Variants in CGREF1 observed in about 807,000 individuals in gnomAD.
CGREF1 encodes the protein cell growth regulator with EF-hand domain 1, also known as cell growth regulator with EF hand domain protein 1.
In CGREF1, 16 loss-of-function variants were observed where a neutral mutation model predicts 17.4. The observed-to-expected ratio is 0.92, with a 90% confidence interval of 0.62 to 1.40. The LOEUF (loss-of-function observed/expected upper bound fraction) is 1.40, where lower values mean the gene tolerates loss of function less well. Ranked by LOEUF, CGREF1 falls within the 40% of genes most tolerant of loss-of-function variation. CGREF1 has a pLI of 0.00. For missense variants in CGREF1, 296 were observed against 376.4 expected, an observed-to-expected ratio of 0.79 and a Z score of 1.77; for synonymous variants, 142 against 154.6, an observed-to-expected ratio of 0.92 and a Z score of 0.61.
chr2:27,106,358 G>A (rs949580953), intron 1 of CGREF1, among the ~76,000 whole-genome samples: 3 of 152,210 alleles, frequency 2.0e-5, no homozygotes, highest in African/African-American at 7.2e-5. Flanking sequence ...AACTTGAGCT[G>A]CCTGTCAGTG....
At chr2:27,113,156 G>T (rs1671454160) in intron 1 of CGREF1, among the ~76,000 whole-genome samples, 1 of 152,122 alleles carries the variant, frequency 6.6e-6, no homozygotes, top group Non-Finnish European at 1.5e-5. Flanking sequence ...GAGTGCTGCT[G>T]GTTTGAAGAA....
intron 4 of CGREF1, 56 bp from the exon 5 acceptor site, chr2:27,102,277 G>A (rs1176180955): frequency 6.2e-7 from 1 of 1,611,946 alleles, no homozygotes. Context: ...GAGAAGGCAG[G>A]AGTCAATGGG....
chr2:27,100,380 G>T, downstream of CGREF1: 1 of 1,240,260 alleles, frequency 8.1e-7, no homozygotes, highest in Non-Finnish European at 1.1e-6. Context: ...CCCGCTGACT[G>T]CCCCAGAGCC....
At chr2:27,099,955 TCTTCCTCAGAGCCAG>T (rs1186587522), downstream of CGREF1, 1 of 1,154,936 alleles carries the variant, frequency 8.7e-7, no homozygotes, top group Non-Finnish European at 1.3e-6. Context: ...AGCAAATAAA[TCTTCCTCAGAGCCAG>T]CTTCTCCTCT....
chr2:27,100,922 T>C lies in CGREF1; in HGVS notation c.*352A>G. 1 of 1,100,408 alleles carries C rather than the reference T, an allele frequency of 9.1e-7. No individual in the cohort carries two copies. The highest frequency in any genetic ancestry group is 4.2e-4 in the Middle Eastern group (1 of 2,378). The allele number at this position is 1,100,408 out of a possible 1,614,324, so 68.2% of individuals were successfully genotyped here. A position where few individuals can be genotyped will look rare whatever the true frequency, so the allele number is the denominator to read the frequency against. On this transcript the variant is annotated 3_prime_UTR_variant, in exon 6 of 6. Transcript: ENST00000402394. ...ACTGAGCTTTCCTCACTGGGTCCTC[T>C]GCAGCCGGCCATGGCTAGCACCATG...
Position 27,100,975 on chromosome 2 carries a change from C to A in CGREF1, c.*299G>T. 8.4e-7 allele frequency: 1 copy of A among 1,196,322 alleles called. No homozygotes were observed. Among genetic ancestry groups the A allele is most frequent in the Non-Finnish European group, 1.0e-6 (1 of 963,566 alleles). The allele number at this position is 1,196,322 out of a possible 1,614,324, so 74.1% of individuals were successfully genotyped here. On this transcript the variant is annotated 3_prime_UTR_variant, in exon 6 of 6. Transcript: ENST00000402394. ...CTCTGCTGCCGGAGCACCGTGAGGCCCAGAAACACTGGGCAGGCGGCATCC... is the reference window on the plus strand; with the variant it reads ...CTCTGCTGCCGGAGCACCGTGAGGCACAGAAACACTGGGCAGGCGGCATCC...
At chr2:27,116,051 T>TA (rs202014883) in intron 1 of CGREF1, among the ~76,000 whole-genome samples, 4 of 149,610 alleles carry the variant, frequency 2.7e-5, no homozygotes, top group East Asian at 4.0e-4. Flanking sequence ...CCCCCATCTC[T>TA]AAAAAAAACA....
At chr2:27,108,885 C>T (rs1187541924) in intron 1 of CGREF1, among the ~76,000 whole-genome samples, 1 of 151,810 alleles carries the variant, frequency 6.6e-6, no homozygotes, top group Middle Eastern at 3.4e-3. Context: ...ATGATCATAG[C>T]AATTCTCCCA....
At position 27,104,155 on chromosome 2, in the gene CGREF1, T is replaced by C. The variant is rs181125911; in HGVS notation, c.80+132A>G. On this transcript the variant is annotated intron_variant, in intron 2 of 5. Transcript: ENST00000402394. ...TGACAGGCACAAGATGGGAGGCTGATGGCAGGGAGATACAGAGATCGGGGA... is the reference window on the plus strand; with the variant it reads ...TGACAGGCACAAGATGGGAGGCTGACGGCAGGGAGATACAGAGATCGGGGA... 178 of 882,290 alleles carry C rather than the reference T, an allele frequency of 2.0e-4. 3 individuals carry two copies. The East Asian group carries it at 4.2e-3, about 21-fold the overall frequency. 54.7% of individuals were successfully genotyped at this position (882,290 alleles called of 1,614,324 possible).
intron 1 of CGREF1, among the ~76,000 whole-genome samples, chr2:27,116,729 C>A (rs1671577580): frequency 6.7e-6 from 1 of 150,136 alleles, no homozygotes; most frequent in Non-Finnish European, 1.5e-5. Flanking sequence ...GCCACCATGA[C>A]CTGCTAATTT....
chr2:27,099,983 A>G (rs1299400073), downstream of CGREF1: 5 of 833,896 alleles, frequency 6.0e-6, no homozygotes, highest in Non-Finnish European at 3.8e-6. Context: ...TCTCCTCTCA[A>G]TGTCTGAACT....
rs1430983050 is a variant in CGREF1, at chr2:27,101,671, G to T, written c.560C>A (p.Pro187His). The T allele has an allele frequency of 5.0e-6, 8 of 1,614,234 alleles. No individual in the cohort carries two copies. Among genetic ancestry groups the T allele is most frequent in the Non-Finnish European group, 6.8e-6 (8 of 1,180,046 alleles). The change falls in exon 6 of 6, where the codon CCC (proline) becomes CAC (histidine). Residue 187 changes from proline (P) to histidine (H), a missense_variant. This residue lies in a region of CGREF1 where 247 missense variants were observed against 267.2 expected (regional missense o/e 0.92). Transcript: ENST00000402394. ...LRQETQEAPG[P>H]REEAKGQVEA... ...TACCTGGCCCTTTGCTTCTTCTCTG[G>T]GACCAGGGGCTTCCTGTGTTTCTTG...
At chr2:27,111,962 G>A (rs1454107095) in intron 1 of CGREF1, among the ~76,000 whole-genome samples, 1 of 152,246 alleles carries the variant, frequency 6.6e-6, no homozygotes, top group African/African-American at 2.4e-5. Flanking sequence ...GCCAGAGTGG[G>A]CGCCAAGGCC....
Position 27,116,923 on chromosome 2 carries a change from C to CTCTCTCTT in CGREF1, c.-12+1922_-12+1923insAAGAGAGA, listed in dbSNP as rs1259106800. Reference sequence around the variant, plus strand: ...TCTCTCTCTCTCTCTCTCTCTCTCTCTTTTTTTGAGACAGAGTCTCGCTCT... The same window carrying CTCTCTCTT: ...TCTCTCTCTCTCTCTCTCTCTCTCTCTCTCTCTTTTTTTTTGAGACAGAGTCTCGCTCT... On this transcript the variant is annotated intron_variant, in intron 1 of 5. Coordinates refer to ENST00000402394, the MANE Select transcript of CGREF1 (RefSeq NM_006569.6). 2.9e-3 allele frequency among the ~76,000 whole-genome samples: 155 copies of CTCTCTCTT among 52,972 alleles called. 1 individual carries two copies. The highest frequency in any genetic ancestry group is 5.2e-3 in the Admixed American group (19 of 3,676). The allele number at this position is 52,972 out of a possible 152,430, so 34.8% of individuals were successfully genotyped here.
chr2:27,117,856 C>T (rs889126263), intron 1 of CGREF1, among the ~76,000 whole-genome samples: 1 of 152,142 alleles, frequency 6.6e-6, no homozygotes, highest in Non-Finnish European at 1.5e-5. Context: ...TCTGGGACTA[C>T]AGGCGCCTGC....
At position 27,100,651 on chromosome 2, in the gene CGREF1, G is replaced by T; in HGVS notation, c.*623C>A. 1 of 1,060,564 alleles carries T rather than the reference G, an allele frequency of 9.4e-7. No homozygotes were observed. The highest frequency in any genetic ancestry group is 1.2e-6 in the Non-Finnish European group (1 of 815,944). The allele number at this position is 1,060,564 out of a possible 1,614,324, so 65.7% of individuals were successfully genotyped here. ...ATCACCTTAGGGTACAGCACTTAAC[G>T]CAATCTGCCTCAATTTCTTCATCTG... On this transcript the variant is annotated 3_prime_UTR_variant, in exon 6 of 6. Transcript: ENST00000402394.
chr2:27,100,092 GCCTGGGCTAGAGCAGCGAGAAGTGC>G, downstream of CGREF1: 1 of 590,904 alleles, frequency 1.7e-6, no homozygotes, highest in Non-Finnish European at 3.0e-6. Flanking sequence ...AGGAGGGGCT[GCCTGGGCTAGAGCAGCGAGAAGTGC>G]CCTGGGCTTG....
At chr2:27,101,946 G>A in intron 5 of CGREF1, 58 bp from the exon 6 acceptor site, 1 of 1,589,010 alleles carries the variant, frequency 6.3e-7, no homozygotes, top group Admixed American at 1.7e-5. Flanking sequence ...CAGGAGTTCT[G>A]ACCCTCCCTA....
At chr2:27,113,691 G>C (rs986677572) in intron 1 of CGREF1, among the ~76,000 whole-genome samples, 17 of 152,262 alleles carry the variant, frequency 1.1e-4, no homozygotes, top group Non-Finnish European at 2.1e-4. Flanking sequence ...CTGTAATGCG[G>C]GGCTGACGAG....
Sources: gnomAD v4.1 joint callset for allele counts (sites outside exome capture counted in the v4.1 genomes callset) on GRCh38, gnomAD v4.1.1 for gene constraint, gnomAD v4.1.1 regional missense constraint, MANE v1.5 for transcripts, NCBI Gene and HGNC (gene_info 2026-07-23, HGNC 2026-07-21) for gene names.